Variants in PTPRT observed in about 807,000 individuals in gnomAD.
PTPRT encodes protein tyrosine phosphatase receptor type T.
In PTPRT, 56 loss-of-function variants were observed where a neutral mutation model predicts 176.8. The ratio of observed to expected loss-of-function variants is 0.32; its 90% CI spans 0.26 to 0.40. PTPRT has a LOEUF of 0.40. Among genes scored for constraint, PTPRT ranks in the 10% least tolerant of loss-of-function variants. The pLI, the probability that PTPRT is intolerant of heterozygous loss-of-function variation, is 1.00. For synonymous variants in PTPRT, 783 were observed against 739.0 expected (o/e 1.06, Z -0.96); for missense variants, 1,540 against 1,908.2 (o/e 0.81, Z 3.60).
chr20:42,350,719 G>A lies in PTPRT; in HGVS notation c.1774C>T (p.Pro592Ser), dbSNP rs201657236. ...AATGGGGTGTCTGTGTCGTACTCAG[G>A]CATGGATGGAGCTGGACAGGAAACA... ...IATKISAPSM[P>S]EYDTDTPLNE... is the part of the protein sequence containing the mutation. The change falls in exon 11 of 31, where the codon CCT (proline) becomes TCT (serine). Residue 592 changes from proline (P) to serine (S), a missense_variant. By Grantham distance (74) the Pro-to-Ser change is moderately conservative. Transcript: ENST00000373187. 4.1e-5 allele frequency: 66 copies of A among 1,611,942 alleles called. No individual in the cohort carries two copies. Among genetic ancestry groups the A allele is most frequent in the Non-Finnish European group, 5.3e-5 (63 of 1,178,068 alleles).
chr20:42,595,680 G>A (rs182456146), intron 7 of PTPRT, among the ~76,000 whole-genome samples: 370 of 152,210 alleles, frequency 2.4e-3, no homozygotes, highest in South Asian at 0.019. Context: ...TACAGGCTGT[G>A]GGCAGCATTT....
chr20:42,872,244 G>A (rs983109936), intron 2 of PTPRT, among the ~76,000 whole-genome samples: 1 of 152,210 alleles, frequency 6.6e-6, no homozygotes, highest in South Asian at 2.1e-4. Context: ...GATGAAGAGG[G>A]AAAACAGGAG....
intron 12 of PTPRT, among the ~76,000 whole-genome samples, chr20:42,304,546 G>C (rs1454673549): frequency 6.6e-6 from 1 of 152,088 alleles, no homozygotes; most frequent in African/African-American, 2.4e-5. Flanking sequence ...ACTTGCCTAA[G>C]GTCATGTAGC....
intron 1 of PTPRT, among the ~76,000 whole-genome samples, chr20:42,946,272 G>A (rs1336887192): frequency 6.6e-6 from 1 of 152,208 alleles, no homozygotes; most frequent in African/African-American, 2.4e-5. Context: ...ATCACCCTGA[G>A]GAGTGCCACA....
At position 43,189,451 on chromosome 20, in the gene PTPRT, G is replaced by A. The variant is rs573337407; in HGVS notation, c.88+195C>T. The stretch of plus-strand genomic sequence containing the variant: ...AAACGCGGGCTGCCGAGGGACGCGA[G>A]GGGCCGGGCTCGCTGGCCGGGGCGC... On this transcript the variant is annotated intron_variant, in intron 1 of 30. Coordinates refer to ENST00000373187, the MANE Select transcript of PTPRT (RefSeq NM_007050.6). The surrounding 1 kb of genome is among the most constrained non-coding windows in gnomAD (Gnocchi z 5.0). Among the ~76,000 whole-genome samples, 842 of 152,290 alleles carry A rather than the reference G, an allele frequency of 5.5e-3. 12 individuals are homozygous for A. The highest frequency in any genetic ancestry group is 0.02 in the African/African-American group (818 of 41,582).
intron 6 of PTPRT, among the ~76,000 whole-genome samples, chr20:42,705,350 C>T (rs2076037596): frequency 6.8e-6 from 1 of 146,114 alleles, no homozygotes; most frequent in Non-Finnish European, 1.5e-5. Context: ...GTGGGATTAT[C>T]GTTGGTTCTT....
chr20:42,402,351 G>T (rs984956517), intron 9 of PTPRT, among the ~76,000 whole-genome samples: 3 of 152,044 alleles, frequency 2.0e-5, no homozygotes, highest in Admixed American at 1.3e-4. Flanking sequence ...ACAGATGAGG[G>T]CCTATTTTCA....
Position 42,471,848 on chromosome 20 carries a change from G to A in PTPRT, c.1450+418C>T, listed in dbSNP as rs2006273. Among the ~76,000 whole-genome samples, 317 of 152,010 alleles carry A rather than the reference G, an allele frequency of 2.1e-3. 2 individuals are homozygous for A. The highest frequency in any genetic ancestry group is 0.01 in the Middle Eastern group (3 of 294). On this transcript the variant is annotated intron_variant, in intron 8 of 30. Transcript: ENST00000373187. ...TTCTTTTGTATTTTAGTAGAGACAG[G>A]GTTTCACCATGTTGCCCAGGCTGGT...
chr20:42,091,587 C>G (rs1310119656), intron 27 of PTPRT, among the ~76,000 whole-genome samples: 16 of 152,178 alleles, frequency 1.1e-4, no homozygotes, highest in Admixed American at 9.8e-4. Context: ...CCCAGGCCAC[C>G]TAAAGGTGAA....
At chr20:42,139,115 T>C (rs1408135708) in intron 18 of PTPRT, among the ~76,000 whole-genome samples, 2 of 152,050 alleles carry the variant, frequency 1.3e-5, no homozygotes, top group Non-Finnish European at 2.9e-5. Flanking sequence ...TTCCAGGTTG[T>C]TTTTTTTCCA....
chr20:42,232,392 T>C (rs2056151868), intron 15 of PTPRT, among the ~76,000 whole-genome samples: 1 of 152,202 alleles, frequency 6.6e-6, no homozygotes, highest in Non-Finnish European at 1.5e-5. Flanking sequence ...TGCGACCTTG[T>C]TACAATGCAG....
At chr20:42,255,002 C>T (rs1331208480) in intron 13 of PTPRT, among the ~76,000 whole-genome samples, 1 of 152,112 alleles carries the variant, frequency 6.6e-6, no homozygotes, top group Non-Finnish European at 1.5e-5. Flanking sequence ...CATTCCCACC[C>T]CCTCACCCTG....
At chr20:42,262,578 A>G (rs1231854816) in intron 13 of PTPRT, among the ~76,000 whole-genome samples, 3 of 152,234 alleles carry the variant, frequency 2.0e-5, no homozygotes, top group East Asian at 1.9e-4. Flanking sequence ...GCCCAACAAA[A>G]TGGTAGATGG....
chr20:42,694,013 C>T (rs2075830686), intron 6 of PTPRT, among the ~76,000 whole-genome samples: 1 of 150,696 alleles, frequency 6.6e-6, no homozygotes, highest in South Asian at 2.1e-4. Context: ...GAAATTACTC[C>T]AGGTTTTTTT....
intron 7 of PTPRT, among the ~76,000 whole-genome samples, chr20:42,532,357 A>G (rs549808134): frequency 1.3e-3 from 199 of 152,272 alleles, no homozygotes; most frequent in African/African-American, 4.5e-3. Flanking sequence ...GTCCTCCAGC[A>G]ATCCATTCAC....
intron 7 of PTPRT, among the ~76,000 whole-genome samples, chr20:42,581,624 C>T (rs1200083533): frequency 6.6e-6 from 1 of 151,750 alleles, no homozygotes; most frequent in African/African-American, 2.4e-5. Context: ...CCTAAGTCTT[C>T]CACAGAAGGA....
chr20:42,794,800 T>C (rs2077429202), intron 2 of PTPRT, among the ~76,000 whole-genome samples: 1 of 144,128 alleles, frequency 6.9e-6, no homozygotes, highest in African/African-American at 2.6e-5. Context: ...TGGGAGGCAT[T>C]TGAAATAGAA....
At chr20:42,407,857 A>G (rs548919337) in intron 9 of PTPRT, among the ~76,000 whole-genome samples, 6 of 152,274 alleles carry the variant, frequency 3.9e-5, no homozygotes, top group African/African-American at 1.4e-4. Flanking sequence ...AAGAGCAATA[A>G]TAAAAAAATC....
At chr20:42,647,374 GAATA>G (rs1187963733) in intron 7 of PTPRT, among the ~76,000 whole-genome samples, 5 of 152,056 alleles carry the variant, frequency 3.3e-5, no homozygotes, top group Non-Finnish European at 7.4e-5. Context: ...AATAATACAT[GAATA>G]AATAAAGTAA....
Sources: gnomAD v4.1 joint callset for allele counts (sites outside exome capture counted in the v4.1 genomes callset) on GRCh38, gnomAD v4.1.1 for gene constraint, Gnocchi (gnomAD v3.1) non-coding constraint, MANE v1.5 for transcripts, NCBI Gene and HGNC (gene_info 2026-07-23, HGNC 2026-07-21) for gene names.